CCSER1: variants seen among roughly 807,000 people sequenced by gnomAD.
CCSER1 encodes the protein serine-rich coiled-coil domain-containing protein 1.
In CCSER1, 41 loss-of-function variants were observed where a neutral mutation model predicts 82.0. That is an observed-to-expected ratio of 0.50 (90% CI 0.39 to 0.65). The LOEUF (loss-of-function observed/expected upper bound fraction) is 0.65, where lower values mean the gene tolerates loss of function less well. Among genes scored for constraint, CCSER1 ranks in the 30% least tolerant of loss-of-function variants. The pLI, the probability that CCSER1 is intolerant of heterozygous loss-of-function variation, is 0.00. For missense variants in CCSER1, 1,119 were observed against 1,064.2 expected, an observed-to-expected ratio of 1.05 and a Z score of -0.72; for synonymous variants, 414 against 383.9, an observed-to-expected ratio of 1.08 and a Z score of -0.92.
chr4:91,579,172 G>A (rs1401522704), intron 10 of CCSER1, among the ~76,000 whole-genome samples: 1 of 151,288 alleles, frequency 6.6e-6, no homozygotes, highest in Non-Finnish European at 1.5e-5. Flanking sequence ...ACATGAGGAT[G>A]GATAGCTTTC....
intron 9 of CCSER1, among the ~76,000 whole-genome samples, chr4:91,072,562 G>T (rs1367752006): frequency 6.6e-6 from 1 of 152,166 alleles, no homozygotes; most frequent in Admixed American, 6.5e-5. Context: ...TCACTGATTT[G>T]CTAAACATGT....
intron 9 of CCSER1, among the ~76,000 whole-genome samples, chr4:90,943,094 G>A (rs1441283481): frequency 6.6e-6 from 1 of 151,838 alleles, no homozygotes; most frequent in Admixed American, 6.6e-5. Context: ...TGAACCTCAT[G>A]CCTTCATGCT....
chr4:90,377,404 T>C (rs1413822777), intron 3 of CCSER1, among the ~76,000 whole-genome samples: 1 of 152,180 alleles, frequency 6.6e-6, no homozygotes, highest in East Asian at 1.9e-4. Flanking sequence ...TGCCAAACTA[T>C]CATCAATACT....
chr4:90,493,008 A>C (rs1489112596), intron 5 of CCSER1, among the ~76,000 whole-genome samples: 1 of 152,182 alleles, frequency 6.6e-6, no homozygotes, highest in Non-Finnish European at 1.5e-5. Context: ...AGAAGATAAA[A>C]ACCTTGAAAA....
At chr4:90,159,876 T>C (rs1729107293) in intron 1 of CCSER1, among the ~76,000 whole-genome samples, 1 of 152,230 alleles carries the variant, frequency 6.6e-6, no homozygotes, top group South Asian at 2.1e-4. Context: ...CCAAGCCATT[T>C]TTACTCTTAT....
chr4:91,255,766 T>G (rs1278665355), intron 10 of CCSER1, among the ~76,000 whole-genome samples: 1 of 152,236 alleles, frequency 6.6e-6, no homozygotes, highest in Non-Finnish European at 1.5e-5. Context: ...CATGGACATT[T>G]ATCACTTCCC....
chr4:90,857,277 T>C (rs138275468), intron 8 of CCSER1, among the ~76,000 whole-genome samples: 1 of 152,208 alleles, frequency 6.6e-6, no homozygotes, highest in African/African-American at 2.4e-5. Flanking sequence ...TCAAGCTCAG[T>C]CACATGGTCT....
intron 10 of CCSER1, among the ~76,000 whole-genome samples, chr4:91,483,912 G>A (rs1758084326): frequency 6.6e-6 from 1 of 151,992 alleles, no homozygotes; most frequent in Non-Finnish European, 1.5e-5. Context: ...TTGCTTTCTG[G>A]TTTAACTATC....
intron 9 of CCSER1, among the ~76,000 whole-genome samples, chr4:91,069,432 A>C (rs1721199288): frequency 6.8e-6 from 1 of 146,398 alleles, no homozygotes; most frequent in Non-Finnish European, 1.5e-5. Flanking sequence ...TAAAAAGGGT[A>C]AATAAATATC....
chr4:91,340,495 G>A (rs1002009817), intron 10 of CCSER1, among the ~76,000 whole-genome samples: 10 of 152,168 alleles, frequency 6.6e-5, no homozygotes, highest in African/African-American at 1.2e-4. Context: ...AGAAGAATAT[G>A]TATGACTATT....
At chr4:90,845,296 A>G (rs1322866167) in intron 8 of CCSER1, among the ~76,000 whole-genome samples, 1 of 145,972 alleles carries the variant, frequency 6.9e-6, no homozygotes, top group African/African-American at 2.5e-5. Context: ...TGGGAGGCAG[A>G]GGTTGCAGTG....
intron 5 of CCSER1, among the ~76,000 whole-genome samples, chr4:90,565,101 T>A (rs1779210102): frequency 1.3e-5 from 2 of 152,098 alleles, no homozygotes; most frequent in Admixed American, 6.5e-5. Flanking sequence ...AATCTGTAGG[T>A]TACTTTGGGT....
intron 6 of CCSER1, among the ~76,000 whole-genome samples, chr4:90,633,334 T>A (rs116353011): frequency 0.014 from 2,072 of 152,096 alleles, 54 homozygotes; most frequent in African/African-American, 0.048. Flanking sequence ...GTGTACAATA[T>A]GTTTTTTTCT....
intron 10 of CCSER1, among the ~76,000 whole-genome samples, chr4:91,254,573 G>A (rs1321179072): frequency 6.6e-6 from 1 of 152,000 alleles, no homozygotes; most frequent in Non-Finnish European, 1.5e-5. Flanking sequence ...TTCTTCAATG[G>A]CTACAAATCT....
chr4:90,274,209 A>C (rs887723333), intron 1 of CCSER1, among the ~76,000 whole-genome samples: 1 of 152,118 alleles, frequency 6.6e-6, no homozygotes, highest in Non-Finnish European at 1.5e-5. Context: ...AGCTTTACCC[A>C]AACTTTAAGA....
At chr4:91,548,972 C>T (rs544499439) in intron 10 of CCSER1, among the ~76,000 whole-genome samples, 23 of 152,152 alleles carry the variant, frequency 1.5e-4, no homozygotes, top group African/African-American at 4.6e-4. Context: ...CATGCTTCTC[C>T]TTCTGATATT....
rs145731095 is a variant in CCSER1, at chr4:91,579,029, C to T, written c.2218-19543C>T. ...TATGGCTAAAATGTTTCCTGCAGCC[C>T]GGTTAGCTGCCTTAATACACACCAT... On this transcript the variant is annotated intron_variant, in intron 10 of 10. Coordinates refer to ENST00000509176, the MANE Select transcript of CCSER1 (RefSeq NM_001145065.2). 2.7e-3 allele frequency among the ~76,000 whole-genome samples: 407 copies of T among 151,738 alleles called. 1 individual carries two copies. Among genetic ancestry groups the T allele is most frequent in the African/African-American group, 9.5e-3 (392 of 41,440 alleles).
chr4:90,932,299 G>T (rs972627061), intron 9 of CCSER1, among the ~76,000 whole-genome samples: 1 of 152,074 alleles, frequency 6.6e-6, no homozygotes, highest in East Asian at 1.9e-4. Flanking sequence ...ATTATTTTAT[G>T]AGTTCTCTGT....
chr4:90,141,598 AAAAT>A (rs1254075053), intron 1 of CCSER1, among the ~76,000 whole-genome samples: 1 of 152,232 alleles, frequency 6.6e-6, no homozygotes, highest in Non-Finnish European at 1.5e-5. Context: ...TAATTTTTAA[AAAAT>A]GAATGAGGAG....
Sources: gnomAD v4.1 joint callset for allele counts (sites outside exome capture counted in the v4.1 genomes callset) on GRCh38, gnomAD v4.1.1 for gene constraint, MANE v1.5 for transcripts, NCBI Gene and HGNC (gene_info 2026-07-23, HGNC 2026-07-21) for gene names.